Variants in ASPG observed in about 807,000 individuals in gnomAD.
The protein encoded by ASPG is asparaginase.
Under a neutral mutation model 63.2 loss-of-function variants are expected in ASPG, and 53 were observed. The observed-to-expected ratio is 0.84, with a 90% CI of 0.67 to 1.05. ASPG has a LOEUF of 1.05. Among genes scored for constraint, ASPG ranks in the 50% least tolerant of loss-of-function variants. The pLI, the probability that ASPG is intolerant of heterozygous loss-of-function variation, is 0.00. For synonymous variants in ASPG, 370 were observed against 355.0 expected (o/e 1.04, Z -0.48); for missense variants, 741 against 794.4 (o/e 0.93, Z 0.81).
Position 104,110,875 on chromosome 14 carries a change from G to T in ASPG, c.1521-627G>T. The T allele has an allele frequency of 2.0e-6, 2 of 985,384 alleles. No homozygotes were observed. Among genetic ancestry groups the T allele is most frequent in the Non-Finnish European group, 2.4e-6 (2 of 829,908 alleles). 61.0% of individuals were successfully genotyped at this position (985,384 alleles called of 1,614,324 possible). On this transcript the variant is annotated intron_variant, in intron 13 of 15. Coordinates refer to ENST00000551177, the MANE Select transcript of ASPG (RefSeq NM_001080464.3). The surrounding 1 kb of genome is among the most constrained non-coding windows in gnomAD (Gnocchi z 4.7). ...GAGGGTGGCAGGGTGAGGAGGAGCT[G>T]GTGAGGGCCTGGCAGGTGCTCCCCA... is the stretch of plus-strand genomic sequence containing the variant.
chr14:104,092,646 G>GC lies in ASPG; in HGVS notation c.96_97insC (p.Thr33HisfsTer15). On this transcript the variant is annotated frameshift_variant, in exon 2 of 16. Coordinates refer to ENST00000551177, the MANE Select transcript of ASPG (RefSeq NM_001080464.3). LOFTEE classifies it high-confidence loss of function. Reference sequence around the variant, plus strand: ...CTCTGCCTGCAGTGCTTGTGCCCGGGACGGGCCTGGCTGCCATCCTGAGGA... The same window carrying GC: ...CTCTGCCTGCAGTGCTTGTGCCCGGGCACGGGCCTGGCTGCCATCCTGAGGA... 1.3e-5 allele frequency: 20 copies of GC among 1,536,006 alleles called. No homozygotes were observed. The highest frequency in any genetic ancestry group is 1.7e-5 in the Non-Finnish European group (20 of 1,147,180).
intron 13 of ASPG, chr14:104,111,053 C>G (rs962299845): frequency 2.3e-5 from 23 of 985,358 alleles, no homozygotes; most frequent in Non-Finnish European, 2.4e-5. Flanking sequence ...CCTTTGCGGA[C>G]CCCGCCCCGG....
intron 6 of ASPG, among the ~76,000 whole-genome samples, chr14:104,100,907 C>G (rs1349965149): frequency 6.6e-6 from 1 of 152,210 alleles, no homozygotes; most frequent in Non-Finnish European, 1.5e-5. Flanking sequence ...TGATTCACAC[C>G]TTATCTGGGG....
chr14:104,093,683 GTGGGGCTGTGGAGAGTGGGCAGGGC>G, intron 3 of ASPG, 81 bp downstream of exon 3: 4 of 1,053,392 alleles, frequency 3.8e-6, no homozygotes, highest in Admixed American at 2.2e-5. Context: ...TGGTGTGTGG[GTGGGGCTGTGGAGAGTGGGCAGGGC>G]TGTTGGGTGT....
chr14:104,106,536 G>T (rs531961998), intron 10 of ASPG, among the ~76,000 whole-genome samples: 1 of 152,300 alleles, frequency 6.6e-6, no homozygotes, highest in South Asian at 2.1e-4. Context: ...CCACACACCC[G>T]TTGGGGACAG....
intron 10 of ASPG, among the ~76,000 whole-genome samples, chr14:104,105,849 C>T (rs921981723): frequency 7.9e-5 from 12 of 152,212 alleles, no homozygotes; most frequent in South Asian, 2.1e-4. Context: ...CCTTTGAGCA[C>T]GTCCCCTGCA....
chr14:104,092,759 C>G lies in ASPG; in HGVS notation c.191+18C>G. ...GTGCTACCGTGAGTGTGGGCTCCTC[C>G]CAGTCCCGGACAGGGCATGGCTGCT... On this transcript the variant is annotated intron_variant, in intron 2 of 15. Transcript: ENST00000551177. 6.5e-7 allele frequency: 1 copy of G among 1,529,604 alleles called. No individual in the cohort carries two copies. Among genetic ancestry groups the G allele is most frequent in the Non-Finnish European group, 8.8e-7 (1 of 1,141,666 alleles). 94.8% of individuals were successfully genotyped at this position (1,529,604 alleles called of 1,614,324 possible).
chr14:104,107,268 G>A lies in ASPG; in HGVS notation c.1356G>A (p.Met452Ile). The change falls in exon 12 of 16, where the codon ATG (methionine) becomes ATA (isoleucine). Residue 452 changes from methionine to isoleucine, a missense_variant. Coordinates refer to ENST00000551177, the MANE Select transcript of ASPG (RefSeq NM_001080464.3). ...ARGGHTEAVT[M>I]LLQRGVDVNT... ...GAGGCCACACAGAGGCAGTCACCAT[G>A]CTGCTGCAGAGAGGTGTGGACGTGA... The A allele has an allele frequency of 6.2e-7, 1 of 1,609,624 alleles. No homozygotes were observed. The highest frequency in any genetic ancestry group is 8.5e-7 in the Non-Finnish European group (1 of 1,177,964).
chr14:104,110,680 T>G lies in ASPG; in HGVS notation c.1521-822T>G, dbSNP rs544026080. On this transcript the variant is annotated intron_variant, in intron 13 of 15. Transcript: ENST00000551177. The surrounding 1 kb of genome is among the most constrained non-coding windows in gnomAD (Gnocchi z 4.7). ...GTGCCACTGCAGGGCTGCTGCTGTT[T>G]CCTGGGTAGGCGCAGAGTCCCTAAG... 1 of 985,292 alleles carries G rather than the reference T, an allele frequency of 1.0e-6. No homozygotes were observed. The highest frequency in any genetic ancestry group is 1.2e-6 in the Non-Finnish European group (1 of 829,868). 61.0% of individuals were successfully genotyped at this position (985,292 alleles called of 1,614,324 possible). A position where few individuals can be genotyped will look rare whatever the true frequency, so the allele number is the denominator to read the frequency against.
rs2037437108 is a variant in ASPG, at chr14:104,114,359, C to G, written c.*1815C>G. On this transcript the variant is annotated 3_prime_UTR_variant, in exon 16 of 16. Coordinates refer to ENST00000551177, the MANE Select transcript of ASPG (RefSeq NM_001080464.3). ...GAGTTCGGCAGAGACGGCTTGGGGG[C>G]CACGGGCTGGGCAGATGGGGAGAGC... 1 of 152,366 alleles carries G rather than the reference C, an allele frequency of 6.6e-6. No homozygotes were observed. The highest frequency in any genetic ancestry group is 1.9e-4 in the East Asian group (1 of 5,198). 9.4% of individuals were successfully genotyped at this position (152,366 alleles called of 1,614,324 possible). A position where few individuals can be genotyped will look rare whatever the true frequency, so the allele number is the denominator to read the frequency against.
intron 12 of ASPG, chr14:104,108,318 C>A: frequency 2.5e-6 from 2 of 790,388 alleles, no homozygotes; most frequent in Non-Finnish European, 3.1e-6. Context: ...AGCTTCTAGA[C>A]TGGGCGTCCT....
intron 2 of ASPG, 99 bp from the exon 3 acceptor site, chr14:104,093,392 C>T: frequency 8.6e-7 from 1 of 1,167,962 alleles, no homozygotes; most frequent in Non-Finnish European, 1.3e-6. Flanking sequence ...GGGGCCCCAG[C>T]TCTGCCAGAG....
chr14:104,107,148 C>T (rs780694265), intron 11 of ASPG, 34 bp from the exon 12 acceptor site: 3 of 1,532,688 alleles, frequency 2.0e-6, no homozygotes, highest in African/African-American at 2.7e-5. Context: ...GCCTGGGTCT[C>T]CCTCAGGGGT....
At chr14:104,096,954 C>T (rs1411048517) in intron 4 of ASPG, among the ~76,000 whole-genome samples, 1 of 152,236 alleles carries the variant, frequency 6.6e-6, no homozygotes, top group Non-Finnish European at 1.5e-5. Flanking sequence ...GTTCAGTCAA[C>T]CATAGCACAG....
In ASPG at chr14:104,112,620, A is replaced by T. The variant is rs2037414518; in HGVS notation, c.*76A>T. ...CTGGAGGGGTCTCAGGCATGACCCCACTGCTGGGGCTGCTTCCCAGCCTGC... is the reference window on the plus strand; with the variant it reads ...CTGGAGGGGTCTCAGGCATGACCCCTCTGCTGGGGCTGCTTCCCAGCCTGC... On this transcript the variant is annotated 3_prime_UTR_variant, in exon 16 of 16. Coordinates refer to ENST00000551177, the MANE Select transcript of ASPG (RefSeq NM_001080464.3). 1 of 1,577,478 alleles carries T rather than the reference A, an allele frequency of 6.3e-7. No homozygotes were observed. Among genetic ancestry groups the T allele is most frequent in the East Asian group, 2.3e-5 (1 of 43,728 alleles).
At chr14:104,089,597 G>A (rs1246782998) in intron 1 of ASPG, among the ~76,000 whole-genome samples, 2 of 152,160 alleles carry the variant, frequency 1.3e-5, no homozygotes, top group Admixed American at 6.5e-5. Flanking sequence ...TGCGGGGTGA[G>A]TGCTGGAGCC....
intron 4 of ASPG, among the ~76,000 whole-genome samples, chr14:104,096,639 GCA>G (rs2036607824): frequency 6.6e-6 from 1 of 152,204 alleles, no homozygotes; most frequent in East Asian, 1.9e-4. Flanking sequence ...GGGATCAAGG[GCA>G]CAGTTATGAG....
chr14:104,092,845 C>A (rs578063732), intron 2 of ASPG, 104 bp downstream of exon 2: 10 of 949,420 alleles, frequency 1.1e-5, no homozygotes, highest in African/African-American at 6.5e-5. Flanking sequence ...CATTTGCTCA[C>A]CCCTGTCTCT....
chr14:104,111,736 G>C (rs1010222362), intron 14 of ASPG, 135 bp downstream of exon 14: 12 of 883,538 alleles, frequency 1.4e-5, no homozygotes, highest in African/African-American at 1.7e-5. Flanking sequence ...CCCCATGCAG[G>C]ACCCGCACAG....
Sources: allele counts gnomAD v4.1 joint callset (sites outside exome capture counted in the v4.1 genomes callset), GRCh38; gene constraint gnomAD v4.1.1; non-coding constraint Gnocchi (gnomAD v3.1); transcripts MANE v1.5; gene names NCBI Gene and HGNC (gene_info 2026-07-23, HGNC 2026-07-21).